Variants in SHISA6 observed in about 807,000 individuals in gnomAD.
SHISA6 encodes the protein protein shisa-6.
Under a neutral mutation model 47.9 loss-of-function variants are expected in SHISA6, and 22 were observed. That is an observed-to-expected ratio of 0.46 (90% CI 0.33 to 0.66). The LOEUF (loss-of-function observed/expected upper bound fraction) is 0.66, where lower values mean the gene tolerates loss of function less well. Ranked by LOEUF, SHISA6 falls within the 30% of genes least tolerant of loss-of-function variation. The pLI, the probability that SHISA6 is intolerant of heterozygous loss-of-function variation, is 0.02. For missense variants in SHISA6, 680 were observed against 764.6 expected (o/e 0.89, Z 1.30); for synonymous variants, 388 against 337.8 (o/e 1.15, Z -1.63).
intron 2 of SHISA6, among the ~76,000 whole-genome samples, chr17:11,280,795 T>C (rs1909090314): frequency 6.6e-6 from 1 of 152,220 alleles, no homozygotes; most frequent in Admixed American, 6.5e-5. Flanking sequence ...TGAAGCAGCG[T>C]GCTCAATGGG....
chr17:11,332,363 A>G (rs930138283), intron 2 of SHISA6, among the ~76,000 whole-genome samples: 10 of 152,166 alleles, frequency 6.6e-5, no homozygotes, highest in African/African-American at 2.2e-4. Context: ...GACTGGGGAC[A>G]ACTTGCTTTC....
chr17:11,529,690 T>G (rs1177779921), intron 3 of SHISA6, among the ~76,000 whole-genome samples: 1 of 152,206 alleles, frequency 6.6e-6, no homozygotes, highest in Non-Finnish European at 1.5e-5. Flanking sequence ...AAGTTGACTA[T>G]ATTTGAAAGT....
chr17:11,338,589 T>G (rs1208464758), intron 2 of SHISA6, among the ~76,000 whole-genome samples: 2 of 151,848 alleles, frequency 1.3e-5, no homozygotes, highest in Admixed American at 1.3e-4. Context: ...TTTTTTTTTT[T>G]TAGTAGAGAT....
chr17:11,520,398 A>T (rs1331792303), intron 3 of SHISA6, among the ~76,000 whole-genome samples: 1 of 152,044 alleles, frequency 6.6e-6, no homozygotes, highest in Non-Finnish European at 1.5e-5. Flanking sequence ...TATGTCTTAG[A>T]TCCATCCACT....
intron 2 of SHISA6, among the ~76,000 whole-genome samples, chr17:11,273,025 C>T (rs759206403): frequency 3.9e-5 from 6 of 152,160 alleles, no homozygotes; most frequent in East Asian, 3.9e-4. Context: ...AGCTGGAGAA[C>T]GCTGTTCTTC....
At chr17:11,550,190 G>C (rs1255557108) in intron 3 of SHISA6, among the ~76,000 whole-genome samples, 1 of 152,070 alleles carries the variant, frequency 6.6e-6, no homozygotes, top group East Asian at 1.9e-4. Flanking sequence ...AAGTAGCTGG[G>C]ATTACAGGCA....
intron 3 of SHISA6, among the ~76,000 whole-genome samples, chr17:11,544,961 CAAAA>C (rs374571214): frequency 1.1e-4 from 7 of 62,658 alleles, no homozygotes; most frequent in African/African-American, 2.9e-4. Flanking sequence ...ACTCTCTCTC[CAAAA>C]AAAAAAAAAA....
intron 1 of SHISA6, among the ~76,000 whole-genome samples, chr17:11,259,396 T>C (rs1908141918): frequency 6.6e-6 from 1 of 152,222 alleles, no homozygotes; most frequent in Non-Finnish European, 1.5e-5. Flanking sequence ...ATCCAATGCA[T>C]GTAAGAGCCA....
intron 2 of SHISA6, among the ~76,000 whole-genome samples, chr17:11,370,020 C>T (rs1296524744): frequency 6.6e-6 from 1 of 152,230 alleles, no homozygotes. Flanking sequence ...CTATCCTTCC[C>T]TAGCTCCAGT....
At chr17:11,465,260 C>T (rs988899154) in intron 3 of SHISA6, among the ~76,000 whole-genome samples, 15 of 152,174 alleles carry the variant, frequency 9.9e-5, no homozygotes, top group Non-Finnish European at 1.9e-4. Context: ...GGCCACCACT[C>T]GGGGAAGCAT....
At chr17:11,459,120 G>A (rs905704181) in intron 3 of SHISA6, among the ~76,000 whole-genome samples, 1 of 151,112 alleles carries the variant, frequency 6.6e-6, no homozygotes, top group Non-Finnish European at 1.5e-5. Context: ...TCGGGAGACT[G>A]AGGCAGGAGA....
intron 2 of SHISA6, among the ~76,000 whole-genome samples, chr17:11,357,434 A>G (rs1330387868): frequency 6.6e-6 from 1 of 152,218 alleles, no homozygotes; most frequent in African/African-American, 2.4e-5. Flanking sequence ...GAAAACACAG[A>G]AGAGTATAAA....
At chr17:11,423,687 C>T (rs1296204001) in intron 3 of SHISA6, among the ~76,000 whole-genome samples, 1 of 152,036 alleles carries the variant, frequency 6.6e-6, no homozygotes, top group African/African-American at 2.4e-5. Flanking sequence ...GTTCACCATA[C>T]AGCCGCCAAA....
At chr17:11,520,236 T>C (rs2142362267) in intron 3 of SHISA6, among the ~76,000 whole-genome samples, 1 of 152,060 alleles carries the variant, frequency 6.6e-6, no homozygotes, top group Admixed American at 6.5e-5. Context: ...GACTTTACAT[T>C]CCCCACCTGT....
At chr17:11,302,117 G>A (rs1909948945) in intron 2 of SHISA6, among the ~76,000 whole-genome samples, 1 of 152,140 alleles carries the variant, frequency 6.6e-6, no homozygotes, top group African/African-American at 2.4e-5. Context: ...TCCCCTCCGG[G>A]CCCCTCCCAC....
chr17:11,448,366 A>G (rs1287274414), intron 3 of SHISA6, among the ~76,000 whole-genome samples: 3 of 150,700 alleles, frequency 2.0e-5, no homozygotes, highest in Non-Finnish European at 4.4e-5. Context: ...CCTGGCTCTA[A>G]AAAGATAAAA....
intron 3 of SHISA6, among the ~76,000 whole-genome samples, chr17:11,540,305 A>G (rs2071822662): frequency 1.3e-5 from 2 of 152,200 alleles, no homozygotes; most frequent in Admixed American, 6.5e-5. Context: ...TGGGTTTGAT[A>G]AATGGGGAAT....
Position 11,522,186 on chromosome 17 carries a change from C to G in SHISA6, c.896-29710C>G, listed in dbSNP as rs539914710. On this transcript the variant is annotated intron_variant, in intron 3 of 5. Transcript: ENST00000441885. ...TTCACCGTGTTAGCCACGATGGTCT[C>G]AATCTCCTGACCTAGTGATCCACCC... Among the ~76,000 whole-genome samples, 24 of 152,062 alleles carry G rather than the reference C, an allele frequency of 1.6e-4. 2 individuals carry two copies. The South Asian group carries it at 4.8e-3, about 30-fold the overall frequency.
At chr17:11,405,572 G>T (rs1913923950) in intron 3 of SHISA6, among the ~76,000 whole-genome samples, 1 of 152,168 alleles carries the variant, frequency 6.6e-6, no homozygotes, top group South Asian at 2.1e-4. Context: ...GGGAGGCCGA[G>T]GCGGGTGGAT....
Sources: gnomAD v4.1 joint callset for allele counts (sites outside exome capture counted in the v4.1 genomes callset) on GRCh38, gnomAD v4.1.1 for gene constraint, MANE v1.5 for transcripts, NCBI Gene and HGNC (gene_info 2026-07-23, HGNC 2026-07-21) for gene names.